PCDHA1: variants seen among roughly 807,000 people sequenced by gnomAD.
PCDHA1 encodes protocadherin alpha-1.
A neutral mutation model predicts 61.3 loss-of-function variants in PCDHA1; 42 were observed. The observed-to-expected ratio is 0.69, with a 90% CI of 0.54 to 0.89. PCDHA1 has a LOEUF of 0.89. PCDHA1 is among the 40% of genes least tolerant of loss of function. The pLI is 0.00. For synonymous variants in PCDHA1, 610 were observed against 553.8 expected, an observed-to-expected ratio of 1.10 and a Z score of -1.43; for missense variants, 1,256 against 1,235.3, an observed-to-expected ratio of 1.02 and a Z score of -0.25.
intron 1 of PCDHA1, chr5:140,870,796 C>A (rs1581985922): frequency 6.2e-7 from 1 of 1,613,576 alleles, no homozygotes; most frequent in South Asian, 1.1e-5. Context: ...GCCGGCACTG[C>A]TGGCGACTCA....
At chr5:140,808,463 A>T in intron 1 of PCDHA1, 1 of 1,614,166 alleles carries the variant, frequency 6.2e-7, no homozygotes, top group Non-Finnish European at 8.5e-7. Flanking sequence ...GCTGGTGGTG[A>T]CCGCGCGAGA....
In PCDHA1 at chr5:140,856,566, C is replaced by T. The variant is rs2044089469; in HGVS notation, c.2394+67882C>T. On this transcript the variant is annotated intron_variant, in intron 1 of 3. Transcript: ENST00000504120. ...GCATTGCTTACTTACAAACTCAGTC[C>T]AAATGAGTATTTTGTTCTTGATATT... is the stretch of plus-strand genomic sequence containing the variant. 2.5e-6 allele frequency: 4 copies of T among 1,597,124 alleles called. 1 individual carries two copies. Among genetic ancestry groups the T allele is most frequent in the Non-Finnish European group, 3.4e-6 (4 of 1,166,856 alleles).
intron 1 of PCDHA1, chr5:140,876,877 C>T: frequency 6.2e-7 from 1 of 1,614,138 alleles, no homozygotes; most frequent in Non-Finnish European, 8.5e-7. Context: ...GGAGAACAAC[C>T]CGCCGGGCTG....
chr5:140,868,806 G>A (rs374832846), intron 1 of PCDHA1: 20 of 357,070 alleles, frequency 5.6e-5, no homozygotes, highest in African/African-American at 2.7e-4. Context: ...AAATAAGCAC[G>A]TTGGAAATAT....
chr5:140,930,196 T>A (rs1554207641), intron 1 of PCDHA1: 3 of 152,226 alleles, frequency 2.0e-5, no homozygotes, highest in African/African-American at 7.2e-5. Context: ...AATTTTTATG[T>A]CAGAAATATT....
intron 1 of PCDHA1, among the ~76,000 whole-genome samples, chr5:140,935,712 T>C (rs1480290454): frequency 1.3e-5 from 2 of 152,138 alleles, no homozygotes; most frequent in African/African-American, 4.8e-5. Context: ...TAAAACAAAA[T>C]ATATTTAGAG....
chr5:140,800,154 A>G (rs1762515168), intron 1 of PCDHA1, among the ~76,000 whole-genome samples: 1 of 152,162 alleles, frequency 6.6e-6, no homozygotes, highest in Admixed American at 6.5e-5. Context: ...TATACAGGTA[A>G]ATTCAAATAC....
At chr5:140,975,594 A>G (rs914837592) in intron 1 of PCDHA1, among the ~76,000 whole-genome samples, 3 of 152,236 alleles carry the variant, frequency 2.0e-5, no homozygotes, top group Admixed American at 2.0e-4. Flanking sequence ...CCAGAGGGCA[A>G]TTTGTTGATG....
intron 1 of PCDHA1, chr5:140,795,413 C>G: frequency 6.2e-7 from 1 of 1,614,192 alleles, no homozygotes; most frequent in Non-Finnish European, 8.5e-7. Context: ...CTGCTTGATT[C>G]TCGGTTTCCT....
intron 3 of PCDHA1, among the ~76,000 whole-genome samples, chr5:140,983,787 A>G (rs1439684844): frequency 6.6e-6 from 1 of 152,234 alleles, no homozygotes; most frequent in Non-Finnish European, 1.5e-5. Flanking sequence ...ATAACAGATG[A>G]CAGAATGTGT....
intron 1 of PCDHA1, chr5:140,967,190 AACG>A (rs781897780): frequency 6.2e-7 from 1 of 1,613,418 alleles, no homozygotes; most frequent in Non-Finnish European, 8.5e-7. Context: ...ATTGGACATC[AACG>A]ACAACTCACC....
chr5:140,923,461 A>G (rs530510417), intron 1 of PCDHA1, among the ~76,000 whole-genome samples: 97 of 152,204 alleles, frequency 6.4e-4, no homozygotes, highest in African/African-American at 2.2e-3. Context: ...CCAGAGAGGT[A>G]GGGGCTGCAG....
chr5:140,803,166 C>A, intron 1 of PCDHA1: 1 of 1,613,914 alleles, frequency 6.2e-7, no homozygotes, highest in South Asian at 1.1e-5. Context: ...CCACGGTGAA[C>A]CCTCATTGAC....
chr5:140,816,941 G>T (rs2126676458), intron 1 of PCDHA1: 1 of 152,186 alleles, frequency 6.6e-6, no homozygotes, highest in East Asian at 1.9e-4. Context: ...TCAGTGCCTG[G>T]AGTCAAGTGA....
In PCDHA1 at chr5:140,838,192, C is replaced by CA. The variant is rs1413754072; in HGVS notation, c.2394+49512dup. ...GCAGTGGTGCAATCTCAGCTCACTG[C>CA]AAAATCCGCCTCTCTGGTACAAGCA... On this transcript the variant is annotated intron_variant, in intron 1 of 3. Transcript: ENST00000504120. Among the ~76,000 whole-genome samples the CA allele has an allele frequency of 5.3e-5, 8 of 149,554 alleles. 1 individual carries two copies. The highest frequency in any genetic ancestry group is 9.9e-5 in the African/African-American group (4 of 40,474).
In PCDHA1 at chr5:140,788,269, C is replaced by T; in HGVS notation, c.1979C>T (p.Thr660Ile). The change falls in exon 1 of 4, where the codon ACA (threonine) becomes ATA (isoleucine). Residue 660 changes from threonine to isoleucine, a missense_variant. Coordinates refer to ENST00000504120, the MANE Select transcript of PCDHA1 (RefSeq NM_018900.4). ...AAGGATCACGGTGAGCCGGCGCTGA[C>T]AGCCACGGCCACTGTGCTTGTATCT... ...LVKDHGEPAL[T>I]ATATVLVSLV... is the part of the protein sequence containing the mutation. 1 of 1,613,982 alleles carries T rather than the reference C, an allele frequency of 6.2e-7. No individual in the cohort carries two copies.
chr5:140,809,529 A>G (rs782270940), intron 1 of PCDHA1: 1 of 1,614,060 alleles, frequency 6.2e-7, no homozygotes, highest in South Asian at 1.1e-5. Context: ...GACTCTAGGG[A>G]CAGAGAAGAT....
At chr5:140,857,904 T>A (rs781796196) in intron 1 of PCDHA1, 3 of 1,597,710 alleles carry the variant, frequency 1.9e-6, no homozygotes, top group Admixed American at 3.4e-5. Context: ...GGTGCACGCA[T>A]CCCGTTTCGC....
At chr5:140,975,750 CTA>C (rs2096680444) in intron 1 of PCDHA1, among the ~76,000 whole-genome samples, 2 of 152,118 alleles carry the variant, frequency 1.3e-5, no homozygotes, top group African/African-American at 4.8e-5. Flanking sequence ...CTCAAATATT[CTA>C]TGTCATAAAT....
Sources: allele counts gnomAD v4.1 joint callset (sites outside exome capture counted in the v4.1 genomes callset), GRCh38; gene constraint gnomAD v4.1.1; transcripts MANE v1.5; gene names NCBI Gene and HGNC (gene_info 2026-07-23, HGNC 2026-07-21).